The following FTSJ1 variants were observed in gnomAD, a reference collection of about 807,000 sequenced individuals.
The protein encoded by FTSJ1 is tRNA (cytidine(32)/guanosine(34)-2'-O)-methyltransferase.
A neutral mutation model predicts 28.5 loss-of-function variants in FTSJ1; 3 were observed. That is an observed-to-expected ratio of 0.11 (90% CI 0.05 to 0.27). The LOEUF is 0.27. Ranked by LOEUF, FTSJ1 falls within the 10% of genes least tolerant of loss-of-function variation. FTSJ1 has a pLI of 1.00. For missense variants in FTSJ1, 162 were observed against 279.0 expected, an observed-to-expected ratio of 0.58 and a Z score of 2.99; for synonymous variants, 104 against 113.9, an observed-to-expected ratio of 0.91 and a Z score of 0.55.
At position 48,486,083 on chromosome X, in the gene FTSJ1, C is replaced by G. The variant is rs2061601155; in HGVS notation, c.*357C>G. 1 of 112,242 alleles carries G rather than the reference C, an allele frequency of 8.9e-6. No homozygotes were observed. The highest frequency in any genetic ancestry group is 1.9e-5 in the Non-Finnish European group (1 of 53,269). The allele number at this position is 112,242 out of a possible 1,213,427, so 9.3% of individuals were successfully genotyped here. A position where few individuals can be genotyped will look rare whatever the true frequency, so the allele number is the denominator to read the frequency against. On this transcript the variant is annotated 3_prime_UTR_variant, in exon 13 of 13. Transcript: ENST00000348411. ...TACATCTTTATTTTCAGCAATGAAA[C>G]TGAAATTTAGCCTTACTCCCAAGTT...
At chrX:48,478,578 G>GGAGCGAAACTAGGCT in intron 3 of FTSJ1, 39 bp from the exon 4 acceptor site, 2 of 1,191,028 alleles carry the variant, frequency 1.7e-6, no homozygotes, top group South Asian at 3.6e-5. Context: ...GAGGGGCCCG[G>GGAGCGAAACTAGGCT]GAGCGAAACT....
At position 48,482,579 on chromosome X, in the gene FTSJ1, A is replaced by G; in HGVS notation, c.760-18A>G. On this transcript the variant is annotated intron_variant, in intron 10 of 12. Transcript: ENST00000348411. ...GTTACCAGGTCCTCACCATCTCCCT[A>G]CCCCTCTGTCCCTGCAGCTAGAGGG... is the stretch of plus-strand genomic sequence containing the variant. The G allele has an allele frequency of 8.4e-7, 1 of 1,190,882 alleles. No homozygotes were observed. The highest frequency in any genetic ancestry group is 3.0e-5 in the East Asian group (1 of 33,172).
At position 48,481,213 on chromosome X, in the gene FTSJ1, C is replaced by G; in HGVS notation, c.414+10C>G. 3.3e-6 allele frequency: 4 copies of G among 1,205,065 alleles called. No individual in the cohort carries two copies. Among genetic ancestry groups the G allele is most frequent in the Non-Finnish European group, 4.5e-6 (4 of 890,039 alleles). ...CCAGCTCCTCCTAGCTGTGAGTAACCCTGGCCACCCCTGACCCACTTTGGC... is the reference window on the plus strand; with the variant it reads ...CCAGCTCCTCCTAGCTGTGAGTAACGCTGGCCACCCCTGACCCACTTTGGC... On this transcript the variant is annotated intron_variant, in intron 6 of 12. Transcript: ENST00000348411.
At chrX:48,478,893 G>A in intron 4 of FTSJ1, 145 bp from the exon 5 acceptor site, 2 of 555,255 alleles carry the variant, frequency 3.6e-6, no homozygotes, top group Non-Finnish European at 6.2e-6. Context: ...ATGATGCTGG[G>A]TCCCCAGAGG....
chrX:48,479,272 C>A (rs782440904), intron 5 of FTSJ1, among the ~76,000 whole-genome samples, 156 bp downstream of exon 5: 1 of 112,087 alleles, frequency 8.9e-6, no homozygotes, highest in South Asian at 3.7e-4. Context: ...TTCTCCCTAC[C>A]TCTGCTGCCT....
In FTSJ1 at chrX:48,482,386, C is replaced by T; in HGVS notation, c.656-17C>T. On this transcript the variant is annotated splice_polypyrimidine_tract_variant and intron_variant, in intron 9 of 12. Transcript: ENST00000348411. The stretch of plus-strand genomic sequence containing the variant: ...GCATCCTGACCTTGTCCTCAGTTGT[C>T]TCCCCCTGTTCCTAAGACCCAGATT... The T allele has an allele frequency of 2.6e-6, 3 of 1,135,528 alleles. No individual in the cohort carries two copies. The highest frequency in any genetic ancestry group is 3.6e-6 in the Non-Finnish European group (3 of 828,062). 93.6% of individuals were successfully genotyped at this position (1,135,528 alleles called of 1,213,427 possible).
At position 48,483,005 on chromosome X, in the gene FTSJ1, G is replaced by C. The variant is rs2061579792; in HGVS notation, c.977G>C (p.Ser326Thr). 3 of 1,204,850 alleles carry C rather than the reference G, an allele frequency of 2.5e-6. No individual in the cohort carries two copies. The Admixed American group carries it at 6.6e-5, about 26-fold the overall frequency. The stretch of plus-strand genomic sequence containing the variant: ...GGGTAGATGGAAGACAATGAAATGA[G>C]TTGTTCACCTTAACCCATTACGGTA... ...LAPEMEDNEM[S>T]CSP is the part of the protein sequence containing the mutation. The change falls in exon 12 of 13, where the codon AGT becomes ACT. Residue 326 changes from serine (S) to threonine (T), a missense_variant. Transcript: ENST00000348411.
chrX:48,483,293 C>T lies in FTSJ1; in HGVS notation c.*9+266C>T, dbSNP rs1373356393. 6 of 384,095 alleles carry T rather than the reference C, an allele frequency of 1.6e-5. No homozygotes were observed. The East Asian group carries it at 2.7e-4, about 17-fold the overall frequency. The allele number at this position is 384,095 out of a possible 1,213,427, so 31.7% of individuals were successfully genotyped here. On this transcript the variant is annotated intron_variant, in intron 12 of 12. Transcript: ENST00000348411. ...AGGGAGCAAAACAGAAATATCTTGG[C>T]TCTCACAGTACTTCCAGTTTGGAAA...
downstream of FTSJ1, chrX:48,486,363 G>A (rs2061602787): frequency 8.9e-6 from 1 of 111,878 alleles, no homozygotes; most frequent in Non-Finnish European, 1.9e-5. Context: ...GGCTTCCATT[G>A]TAATTGTGTG....
chrX:48,481,327 C>T lies in FTSJ1; in HGVS notation c.453C>T (p.Gly151=). 3 of 1,208,769 alleles carry T rather than the reference C, an allele frequency of 2.5e-6. No individual in the cohort carries two copies. The highest frequency in any genetic ancestry group is 1.7e-5 in the African/African-American group (1 of 57,847). Reference sequence around the variant, plus strand: ...CTACACATGTCCTGAAGCCAGGGGGCTGCTTTGTGGCCAAGGTAAGTCTCA... The same window carrying T: ...CTACACATGTCCTGAAGCCAGGGGGTTGCTTTGTGGCCAAGGTAAGTCTCA... ...NIATHVLKPG[G]CFVAKIFRGR... The change falls in exon 7 of 13, where the codon GGC becomes GGT. Residue 151 remains glycine (G), a synonymous_variant. Coordinates refer to ENST00000348411, the MANE Select transcript of FTSJ1 (RefSeq NM_012280.4).
chrX:48,477,054 C>T (rs782541650), intron 1 of FTSJ1, among the ~76,000 whole-genome samples: 8 of 110,098 alleles, frequency 7.3e-5, no homozygotes, highest in Non-Finnish European at 1.1e-4. Context: ...AGTAGTTGGG[C>T]TATGGTGGCA....
At chrX:48,485,516 A>G (rs1556969884) in intron 12 of FTSJ1, among the ~76,000 whole-genome samples, 4 of 110,758 alleles carry the variant, frequency 3.6e-5, no homozygotes, top group South Asian at 7.6e-4. Flanking sequence ...AAATGTCACA[A>G]AAATGTTAGC....
intron 6 of FTSJ1, 26 bp downstream of exon 6, chrX:48,481,229 C>G: frequency 4.2e-6 from 5 of 1,203,453 alleles, no homozygotes; most frequent in Non-Finnish European, 5.6e-6. Context: ...CACCCCTGAC[C>G]CACTTTGGCC....
chrX:48,476,731 T>G (rs2061534538), intron 1 of FTSJ1: 1 of 117,645 alleles, frequency 8.5e-6, no homozygotes, highest in South Asian at 3.7e-4. Context: ...GGGTGGAGCG[T>G]GAGGGTGGGG....
intron 1 of FTSJ1, 197 bp downstream of exon 1, chrX:48,476,593 G>A (rs1391743758): frequency 6.8e-5 from 14 of 206,257 alleles, no homozygotes; most frequent in Middle Eastern, 2.9e-3. Flanking sequence ...TGGATTCGAG[G>A]TGGGGACATG....
intron 5 of FTSJ1, 36 bp from the exon 6 acceptor site, chrX:48,481,115 G>C: frequency 2.6e-6 from 3 of 1,171,498 alleles, no homozygotes; most frequent in Non-Finnish European, 3.5e-6. Flanking sequence ...CACAGAGCCA[G>C]ATGGGACCCC....
At position 48,479,106 on chromosome X, in the gene FTSJ1, G is replaced by C. The variant is rs782525910; in HGVS notation, c.351G>C (p.Gly117=). The C allele has an allele frequency of 1.7e-6, 2 of 1,198,786 alleles. No homozygotes were observed. The highest frequency in any genetic ancestry group is 3.5e-5 in the South Asian group (2 of 56,748). The change falls in exon 5 of 13, where the codon GGG becomes GGC. Residue 117 remains glycine, a synonymous_variant. Transcript: ENST00000348411. The stretch of plus-strand genomic sequence containing the variant: ...CTGCGGACCTAGTGGTGTGTGACGG[G>C]GCTCCTGATGGTAAATAGCAACAGA... ...GCPADLVVCD[G]APDVTGLHDV...
At chrX:48,478,848 A>G in intron 4 of FTSJ1, 141 bp downstream of exon 4, 2 of 546,852 alleles carry the variant, frequency 3.7e-6, no homozygotes, top group Non-Finnish European at 6.4e-6. Flanking sequence ...AGAAACAGTC[A>G]GCAGGTCATC....
Position 48,481,052 on chromosome X carries a change from A to G in FTSJ1, c.362-99A>G, listed in dbSNP as rs2061565127. On this transcript the variant is annotated intron_variant, in intron 5 of 12. Transcript: ENST00000348411. ...AATTTGCATCTGGAACCTTAGCAGT[A>G]AGACAGCCTGGAAAATGTATTTAGT... is the stretch of plus-strand genomic sequence containing the variant. 3 of 768,940 alleles carry G rather than the reference A, an allele frequency of 3.9e-6. No homozygotes were observed. In the East Asian group the frequency reaches 9.8e-5, roughly 25 times the overall value. The allele number at this position is 768,940 out of a possible 1,213,427, so 63.4% of individuals were successfully genotyped here. A position where few individuals can be genotyped will look rare whatever the true frequency, so the allele number is the denominator to read the frequency against.
Sources: allele counts gnomAD v4.1 joint callset (sites outside exome capture counted in the v4.1 genomes callset), GRCh38; gene constraint gnomAD v4.1.1; transcripts MANE v1.5; gene names NCBI Gene and HGNC (gene_info 2026-07-23, HGNC 2026-07-21).